SLC16A14: variants seen among roughly 807,000 people sequenced by gnomAD.
SLC16A14 encodes the protein monocarboxylate transporter 14.
A neutral mutation model predicts 35.8 loss-of-function variants in SLC16A14; 14 were observed. The ratio of observed to expected loss-of-function variants is 0.39; its 90% CI spans 0.26 to 0.61. SLC16A14 has a LOEUF of 0.61. SLC16A14 is among the 20% of genes least tolerant of loss of function. The pLI, the probability that SLC16A14 is intolerant of heterozygous loss-of-function variation, is 0.51. For synonymous variants in SLC16A14, 248 were observed against 258.9 expected, an observed-to-expected ratio of 0.96 and a Z score of 0.40; for missense variants, 533 against 655.0, an observed-to-expected ratio of 0.81 and a Z score of 2.03.
intron 4 of SLC16A14, among the ~76,000 whole-genome samples, chr2:230,044,132 G>A (rs1186927995): frequency 1.3e-5 from 2 of 152,118 alleles, no homozygotes; most frequent in Admixed American, 6.5e-5. Context: ...GGGGAGATGA[G>A]CCTGGATTTC....
rs766714831 is a variant in SLC16A14, at chr2:230,046,013, G to A, written c.1113C>T (p.Gly371=). 2 of 1,613,968 alleles carry A rather than the reference G, an allele frequency of 1.2e-6. No individual in the cohort carries two copies. Among genetic ancestry groups the A allele is most frequent in the Non-Finnish European group, 1.7e-6 (2 of 1,179,820 alleles). The change falls in exon 4 of 5, where the codon GGC becomes GGT. Residue 371 remains glycine, a synonymous_variant. Coordinates refer to ENST00000295190, the MANE Select transcript of SLC16A14 (RefSeq NM_152527.5). This position sits in a 1 kb window ranked among gnomAD's most constrained non-coding sequence, Gnocchi z 5.0. The stretch of plus-strand genomic sequence containing the variant: ...TAATGCAAGGCAAGTCGGCTATGAC[G>A]CCCAGGATCACTTTTCCAAAGATGT... ...IVHIFGKVIL[G]VIADLPCISV...
At chr2:230,066,287 G>C (rs553461844) in intron 1 of SLC16A14, among the ~76,000 whole-genome samples, 54 of 151,624 alleles carry the variant, frequency 3.6e-4, no homozygotes, top group African/African-American at 1.3e-3. Flanking sequence ...CTGGATGATA[G>C]AACGAGACTA....
At chr2:230,042,006 T>A (rs565683125) in intron 4 of SLC16A14, among the ~76,000 whole-genome samples, 20 of 152,352 alleles carry the variant, frequency 1.3e-4, no homozygotes, top group Admixed American at 2.6e-4. Flanking sequence ...CAATGAATGT[T>A]GTTCATCATT....
chr2:230,042,506 C>T (rs1331433311), intron 4 of SLC16A14, among the ~76,000 whole-genome samples: 1 of 152,128 alleles, frequency 6.6e-6, no homozygotes, highest in African/African-American at 2.4e-5. Flanking sequence ...GACAAAACAA[C>T]CCAAGCCTGC....
At chr2:230,061,156 T>C (rs2077749360) in intron 1 of SLC16A14, among the ~76,000 whole-genome samples, 1 of 152,176 alleles carries the variant, frequency 6.6e-6, no homozygotes. Context: ...CTGGAGGACT[T>C]AAAAACAACA....
chr2:230,048,315 C>T (rs2077625936), intron 3 of SLC16A14, among the ~76,000 whole-genome samples: 1 of 152,222 alleles, frequency 6.6e-6, no homozygotes, highest in Non-Finnish European at 1.5e-5. Context: ...GAATTCCAAG[C>T]TCACTTTTAA....
rs2077820203 is a variant in SLC16A14, at chr2:230,068,389, C to T, written c.-15+166G>A. 1 of 152,668 alleles carries T rather than the reference C, an allele frequency of 6.6e-6. No homozygotes were observed. Among genetic ancestry groups the T allele is most frequent in the Non-Finnish European group, 1.5e-5 (1 of 68,374 alleles). The allele number at this position is 152,668 out of a possible 1,614,324, so 9.5% of individuals were successfully genotyped here. A position where few individuals can be genotyped will look rare whatever the true frequency, so the allele number is the denominator to read the frequency against. ...GCACTACCACCTGCCCCGGCACAGT[C>T]TCGCCCTCCACCGCCCGGGCAGCCT... On this transcript the variant is annotated intron_variant, in intron 1 of 4. Transcript: ENST00000295190. The surrounding 1 kb of genome is among the most constrained non-coding windows in gnomAD (Gnocchi z 5.1).
intron 3 of SLC16A14, among the ~76,000 whole-genome samples, 188 bp downstream of exon 3, chr2:230,049,573 C>T (rs201713468): frequency 1.3e-5 from 2 of 152,122 alleles, no homozygotes; most frequent in African/African-American, 2.4e-5. Context: ...GGGCTCCCCC[C>T]ACTTAAGGCA....
chr2:230,058,755 C>T (rs1004593424), intron 2 of SLC16A14, among the ~76,000 whole-genome samples: 21 of 152,122 alleles, frequency 1.4e-4, no homozygotes, highest in African/African-American at 4.6e-4. Context: ...GCTTCAGCCT[C>T]CCGAGTAGCT....
At chr2:230,062,155 T>C (rs1001175390) in intron 1 of SLC16A14, among the ~76,000 whole-genome samples, 2 of 148,698 alleles carry the variant, frequency 1.3e-5, no homozygotes, top group African/African-American at 5.0e-5. Context: ...TTTGTTGCCA[T>C]GGCAGAGGGT....
chr2:230,054,676 G>A (rs1044050425), intron 2 of SLC16A14, among the ~76,000 whole-genome samples: 6 of 152,088 alleles, frequency 3.9e-5, no homozygotes, highest in Admixed American at 6.6e-5. Context: ...ATTAACTTCC[G>A]GATTGATTGA....
intron 2 of SLC16A14, among the ~76,000 whole-genome samples, chr2:230,055,913 C>G (rs919652262): frequency 1.3e-5 from 2 of 152,092 alleles, no homozygotes; most frequent in Non-Finnish European, 2.9e-5. Flanking sequence ...CACAGTTTTC[C>G]TTTACTAACT....
rs201388147 is a variant in SLC16A14 at position 230,059,178 on chromosome 2, C to T, written c.175G>A (p.Val59Met). Residue 59 changes from valine (V) to methionine (M), a missense_variant, in exon 2 of 5, where the codon GTG becomes ATG. By Grantham distance (21) the Val-to-Met change is conservative. Transcript: ENST00000295190. ...GSQMALGVLN[V>M]EWLEEFHQSR... is the part of the protein sequence containing the mutation. ...TGGTGGAATTCTTCCAGCCATTCCA[C>T]GTTGAGGACACCCAGGGCCATCTGG... The T allele has an allele frequency of 2.0e-5, 33 of 1,614,124 alleles. No individual in the cohort carries two copies. The highest frequency in any genetic ancestry group is 1.3e-4 in the African/African-American group (10 of 75,014).
intron 2 of SLC16A14, among the ~76,000 whole-genome samples, chr2:230,053,556 G>A (rs1046641454): frequency 2.0e-5 from 3 of 152,140 alleles, no homozygotes; most frequent in Non-Finnish European, 4.4e-5. Flanking sequence ...GCCGAGGTGG[G>A]TGGATCACGA....
intron 3 of SLC16A14, among the ~76,000 whole-genome samples, chr2:230,048,473 A>G (rs1343028245): frequency 6.6e-6 from 1 of 152,232 alleles, no homozygotes; most frequent in African/African-American, 2.4e-5. Flanking sequence ...CTGGGAATAT[A>G]TTTTGCATAA....
intron 4 of SLC16A14, among the ~76,000 whole-genome samples, chr2:230,043,639 T>C (rs13391661): frequency 0.02 from 3,080 of 152,334 alleles, 98 homozygotes; most frequent in African/African-American, 0.07. Context: ...ACAAAACCTC[T>C]AGCAGCTCTG....
chr2:230,042,151 T>C (rs556677419), intron 4 of SLC16A14, among the ~76,000 whole-genome samples: 35 of 152,344 alleles, frequency 2.3e-4, no homozygotes, highest in African/African-American at 7.7e-4. Context: ...ATGATACGCA[T>C]CATTGAAGGC....
chr2:230,058,686 G>A (rs1429571404), intron 2 of SLC16A14, among the ~76,000 whole-genome samples: 1 of 151,844 alleles, frequency 6.6e-6, no homozygotes, highest in Admixed American at 6.6e-5. Context: ...AGGCTGGTAT[G>A]CAATGGCACA....
At position 230,056,522 on chromosome 2, in the gene SLC16A14, C is replaced by T. The variant is rs371015210; in HGVS notation, c.259+2572G>A. Among the ~76,000 whole-genome samples the T allele has an allele frequency of 3.3e-5, 5 of 152,160 alleles. No individual in the cohort carries two copies. The East Asian group carries it at 9.7e-4, about 29-fold the overall frequency. ...CCGCTCGCCTCAGCCTCCCGAAGTG[C>T]TGGGATTATAGACGTGAACCACCGT... is the stretch of plus-strand genomic sequence containing the variant. On this transcript the variant is annotated intron_variant, in intron 2 of 4. Transcript: ENST00000295190.
Sources: gnomAD v4.1 joint callset for allele counts (sites outside exome capture counted in the v4.1 genomes callset) on GRCh38, gnomAD v4.1.1 for gene constraint, Gnocchi (gnomAD v3.1) non-coding constraint, MANE v1.5 for transcripts, NCBI Gene and HGNC (gene_info 2026-07-23, HGNC 2026-07-21) for gene names.